The following NARS2 variants were observed in gnomAD, a reference collection of about 807,000 sequenced individuals.
The protein encoded by NARS2 is asparaginyl-tRNA synthetase 2, mitochondrial.
A neutral mutation model predicts 62.9 loss-of-function variants in NARS2; 60 were observed. The ratio of observed to expected loss-of-function variants is 0.95; its 90% confidence interval spans 0.77 to 1.18. The LOEUF (loss-of-function observed/expected upper bound fraction) is 1.18. Ranked by LOEUF, NARS2 falls within the 50% of genes most tolerant of loss-of-function variation. The probability of loss-of-function intolerance (pLI) is 0.00; values close to 1 mark genes in which losing one functional copy is unlikely to be tolerated. For synonymous variants in NARS2, 196 were observed against 200.0 expected, an observed-to-expected ratio of 0.98 and a Z score of 0.17; for missense variants, 619 against 576.4, an observed-to-expected ratio of 1.07 and a Z score of -0.76.
intron 6 of NARS2, among the ~76,000 whole-genome samples, chr11:78,501,813 G>A (rs1310277525): frequency 6.6e-6 from 1 of 152,100 alleles, no homozygotes; most frequent in African/African-American, 2.4e-5. Flanking sequence ...AACATAGAAT[G>A]ACCCAACTAT....
chr11:78,524,225 T>C (rs758933387), intron 6 of NARS2, among the ~76,000 whole-genome samples: 2 of 152,132 alleles, frequency 1.3e-5, no homozygotes, highest in Admixed American at 6.5e-5. Context: ...AATGGACATT[T>C]AGATTATTAG....
At chr11:78,571,660 C>T in intron 1 of NARS2, 1 of 442,976 alleles carries the variant, frequency 2.3e-6, no homozygotes, top group East Asian at 3.4e-5. Flanking sequence ...CGTAATAATG[C>T]ACAACATTTC....
chr11:78,447,266 G>A (rs1430013225), intron 11 of NARS2, among the ~76,000 whole-genome samples: 2 of 151,808 alleles, frequency 1.3e-5, no homozygotes, highest in South Asian at 4.1e-4. Context: ...GCGATCTCCT[G>A]CCTCAGCCTC....
At chr11:78,569,537 T>A (rs1856849429) in intron 2 of NARS2, among the ~76,000 whole-genome samples, 1 of 152,186 alleles carries the variant, frequency 6.6e-6, no homozygotes, top group Non-Finnish European at 1.5e-5. Context: ...AATATTGTAA[T>A]ATAGCAATAC....
At chr11:78,529,326 A>C (rs1861400998) in intron 5 of NARS2, among the ~76,000 whole-genome samples, 1 of 152,252 alleles carries the variant, frequency 6.6e-6, no homozygotes. Context: ...TCAAGAGAAT[A>C]GCCTCTGGAA....
chr11:78,473,460 TAG>T (rs1324960377), intron 9 of NARS2, among the ~76,000 whole-genome samples: 3 of 151,928 alleles, frequency 2.0e-5, no homozygotes, highest in Non-Finnish European at 4.4e-5. Flanking sequence ...TTATCTTCAG[TAG>T]AGTTTGTTTT....
chr11:78,557,479 A>C (rs7122676), intron 5 of NARS2, among the ~76,000 whole-genome samples: 1 of 151,946 alleles, frequency 6.6e-6, no homozygotes, highest in Non-Finnish European at 1.5e-5. Flanking sequence ...CTTTGTAGTC[A>C]AACTTCTGAA....
chr11:78,536,764 C>A (rs1375480819), intron 5 of NARS2, among the ~76,000 whole-genome samples: 1 of 151,970 alleles, frequency 6.6e-6, no homozygotes, highest in Non-Finnish European at 1.5e-5. Context: ...AGCTTAAGTA[C>A]ATAGGTTTGC....
At chr11:78,459,976 A>G (rs191042038) in intron 11 of NARS2, among the ~76,000 whole-genome samples, 78 of 152,344 alleles carry the variant, frequency 5.1e-4, no homozygotes, top group African/African-American at 1.7e-3. Flanking sequence ...GGAAATGGTG[A>G]TTGAGTATAA....
intron 4 of NARS2, among the ~76,000 whole-genome samples, chr11:78,561,597 C>T (rs1323846964): frequency 1.3e-5 from 2 of 152,132 alleles, no homozygotes; most frequent in African/African-American, 2.4e-5. Context: ...TCATACATTA[C>T]GGCCCATACA....
chr11:78,489,127 T>C (rs1185653274), intron 7 of NARS2, among the ~76,000 whole-genome samples: 1 of 151,976 alleles, frequency 6.6e-6, no homozygotes, highest in Non-Finnish European at 1.5e-5. Context: ...ATAAACTAGA[T>C]GTCATCAAAA....
At chr11:78,552,906 A>G (rs374412688) in intron 5 of NARS2, among the ~76,000 whole-genome samples, 2 of 152,168 alleles carry the variant, frequency 1.3e-5, no homozygotes, top group Non-Finnish European at 2.9e-5. Flanking sequence ...AGACTTGTCA[A>G]TTTTGGAGTT....
chr11:78,501,951 GAATA>G (rs1361528019), intron 6 of NARS2, among the ~76,000 whole-genome samples: 31 of 152,162 alleles, frequency 2.0e-4, no homozygotes, highest in African/African-American at 6.3e-4. Context: ...ATCAATGAAT[GAATA>G]AACTAAATGT....
intron 11 of NARS2, among the ~76,000 whole-genome samples, chr11:78,465,215 C>G (rs995708381): frequency 8.5e-5 from 13 of 152,370 alleles, no homozygotes; most frequent in African/African-American, 2.9e-4. Context: ...CCCGCCGAGC[C>G]CACACCCACC....
chr11:78,503,887 A>G (rs948256197), intron 6 of NARS2, among the ~76,000 whole-genome samples: 1 of 152,218 alleles, frequency 6.6e-6, no homozygotes, highest in East Asian at 1.9e-4. Context: ...ATGCTCTGCC[A>G]TGCCAGGCCT....
intron 1 of NARS2, 140 bp from the exon 2 acceptor site, chr11:78,571,584 G>T: frequency 3.3e-6 from 2 of 605,722 alleles, no homozygotes; most frequent in Admixed American, 2.9e-5. Flanking sequence ...TCACCAATAT[G>T]CATACTTAAT....
At chr11:78,463,854 AG>A (rs1263184410) in intron 11 of NARS2, among the ~76,000 whole-genome samples, 2 of 152,022 alleles carry the variant, frequency 1.3e-5, no homozygotes, top group Non-Finnish European at 2.9e-5. Flanking sequence ...ATCCCTTCAT[AG>A]CCCTCCCCTC....
chr11:78,497,065 A>G lies in NARS2; in HGVS notation c.690-3870T>C, dbSNP rs74985189. On this transcript the variant is annotated intron_variant, in intron 6 of 13. Coordinates refer to ENST00000281038, the MANE Select transcript of NARS2 (RefSeq NM_024678.6). Reference sequence around the variant, plus strand: ...TATTGCTCTGAGAAGAGACCAGGAGAAAAAGAAAACACTCGGCACTAAGAA... The same window carrying G: ...TATTGCTCTGAGAAGAGACCAGGAGGAAAAGAAAACACTCGGCACTAAGAA... Among the ~76,000 whole-genome samples, 79 of 152,238 alleles carry G rather than the reference A, an allele frequency of 5.2e-4. No individual in the cohort carries two copies. In the East Asian group the frequency reaches 8.5e-3, roughly 16 times the overall value.
intron 4 of NARS2, among the ~76,000 whole-genome samples, chr11:78,562,156 A>G (rs1373470816): frequency 6.6e-6 from 1 of 152,224 alleles, no homozygotes; most frequent in Non-Finnish European, 1.5e-5. Flanking sequence ...GCTGGGGCAC[A>G]GTGGCTCATA....
Sources: gnomAD v4.1 joint callset for allele counts (sites outside exome capture counted in the v4.1 genomes callset) on GRCh38, gnomAD v4.1.1 for gene constraint, MANE v1.5 for transcripts, NCBI Gene and HGNC (gene_info 2026-07-23, HGNC 2026-07-21) for gene names.